Variants in FGF12 observed in about 807,000 individuals in gnomAD.
FGF12 encodes fibroblast growth factor 12.
Under a neutral mutation model 23.6 loss-of-function variants are expected in FGF12, and 14 were observed. The ratio of observed to expected loss-of-function variants is 0.59; its 90% CI spans 0.39 to 0.93. FGF12 has a LOEUF of 0.93. Ranked by LOEUF, FGF12 falls within the 40% of genes least tolerant of loss-of-function variation. The pLI is 0.00. For missense variants in FGF12, 175 were observed against 217.8 expected, an observed-to-expected ratio of 0.80 and a Z score of 1.24; for synonymous variants, 62 against 77.3, an observed-to-expected ratio of 0.80 and a Z score of 1.04.
intron 2 of FGF12, among the ~76,000 whole-genome samples, chr3:192,537,198 G>T (rs1316877538): frequency 6.6e-6 from 1 of 152,044 alleles, no homozygotes; most frequent in Admixed American, 6.5e-5. Flanking sequence ...TCATCCATTT[G>T]TCTGTTGGTG....
In FGF12 at chr3:192,695,936, T is replaced by C. The variant is rs1718107097; in HGVS notation, c.13+31245A>G. ...CAACATGGTGAAACCCCATCTCTAC[T>C]AAAAATACAAAAATTAGCCAGTCAT... is the stretch of plus-strand genomic sequence containing the variant. On this transcript the variant is annotated intron_variant, in intron 2 of 5. Transcript: ENST00000445105. Among the ~76,000 whole-genome samples the C allele has an allele frequency of 2.6e-5, 4 of 152,162 alleles. No individual in the cohort carries two copies. The South Asian group carries it at 8.3e-4, about 32-fold the overall frequency.
chr3:192,607,861 AAAAAAAG>A (rs1714400973), intron 2 of FGF12, among the ~76,000 whole-genome samples: 1 of 151,540 alleles, frequency 6.6e-6, no homozygotes, highest in South Asian at 2.1e-4. Context: ...AAAAAAAAAA[AAAAAAAG>A]AAGAAGAAGA....
In FGF12 at chr3:192,417,043, T is replaced by C. The variant is rs546864100; in HGVS notation, c.14-56505A>G. 1.1e-3 allele frequency among the ~76,000 whole-genome samples: 175 copies of C among 152,228 alleles called. 4 individuals are homozygous for C. The South Asian group carries it at 0.012, about 10-fold the overall frequency. On this transcript the variant is annotated intron_variant, in intron 2 of 5. Transcript: ENST00000445105. ...GTTAACTGCAAGGGATCTCATGAGG[T>C]CATCAGCCTACTCTAGGTAATGTAT...
chr3:192,452,811 G>A (rs1171136055), intron 2 of FGF12, among the ~76,000 whole-genome samples: 5 of 152,122 alleles, frequency 3.3e-5, no homozygotes, highest in African/African-American at 4.8e-5. Context: ...TTGTTCCCTT[G>A]CAGATGATCA....
chr3:192,439,354 C>T (rs1271000159), intron 2 of FGF12, among the ~76,000 whole-genome samples: 8 of 152,128 alleles, frequency 5.3e-5, no homozygotes, highest in Admixed American at 5.2e-4. Flanking sequence ...GCTCTTTTAC[C>T]CATCCTCAGG....
rs547285616 is a variant in FGF12, at chr3:192,378,852, C to A, written c.14-18314G>T. 2.6e-5 allele frequency among the ~76,000 whole-genome samples: 4 copies of A among 152,234 alleles called. No homozygotes were observed. The East Asian group carries it at 7.7e-4, about 29-fold the overall frequency. On this transcript the variant is annotated intron_variant, in intron 2 of 5. Coordinates refer to ENST00000445105, the MANE Select transcript of FGF12 (RefSeq NM_004113.6). Reference sequence around the variant, plus strand: ...GGGGCTGTTGTACAGATTATTTCGTCACCCAGGTACTAAGCCTAGTACCCA... The same window carrying A: ...GGGGCTGTTGTACAGATTATTTCGTAACCCAGGTACTAAGCCTAGTACCCA...
At chr3:192,222,329 G>A (rs576420909) in intron 4 of FGF12, among the ~76,000 whole-genome samples, 1 of 152,266 alleles carries the variant, frequency 6.6e-6, no homozygotes, top group South Asian at 2.1e-4. Flanking sequence ...AGGTTCTTCG[G>A]CTGTAACATG....
intron 5 of FGF12, among the ~76,000 whole-genome samples, chr3:192,159,464 G>A (rs1714740048): frequency 6.6e-6 from 1 of 152,172 alleles, no homozygotes; most frequent in African/African-American, 2.4e-5. Context: ...AAATGTTAGT[G>A]TTCCCCAGGA....
At chr3:192,258,781 A>G (rs1224325485) in intron 4 of FGF12, among the ~76,000 whole-genome samples, 2 of 152,206 alleles carry the variant, frequency 1.3e-5, no homozygotes, top group Non-Finnish European at 2.9e-5. Flanking sequence ...TTCATGTTCC[A>G]CATAAAGAGA....
intron 5 of FGF12, 33 bp from the exon 6 acceptor site, chr3:192,144,160 C>A (rs202126500): frequency 7.8e-7 from 1 of 1,275,208 alleles, no homozygotes; most frequent in African/African-American, 1.5e-5. Context: ...TTACTTATGA[C>A]AGTGGACATA....
intron 2 of FGF12, among the ~76,000 whole-genome samples, chr3:192,492,390 G>A (rs879382696): frequency 2.6e-5 from 4 of 151,884 alleles, no homozygotes; most frequent in Non-Finnish European, 4.4e-5. Context: ...ACACACACAC[G>A]CAAAGGTAGG....
chr3:192,454,461 T>C (rs1449943985), intron 2 of FGF12, among the ~76,000 whole-genome samples: 1 of 152,018 alleles, frequency 6.6e-6, no homozygotes, highest in Non-Finnish European at 1.5e-5. Flanking sequence ...ACAAATACAG[T>C]CTAGAAATGT....
intron 4 of FGF12, among the ~76,000 whole-genome samples, chr3:192,298,125 A>G (rs368178570): frequency 6.6e-6 from 1 of 152,318 alleles, no homozygotes; most frequent in South Asian, 2.1e-4. Flanking sequence ...TAAAAAGCTA[A>G]TGTTCTCTCA....
chr3:192,178,909 C>T (rs1223578747), intron 4 of FGF12, among the ~76,000 whole-genome samples: 1 of 152,196 alleles, frequency 6.6e-6, no homozygotes, highest in Non-Finnish European at 1.5e-5. Context: ...TCTTCCAACA[C>T]AATTTATATC....
intron 2 of FGF12, among the ~76,000 whole-genome samples, chr3:192,376,732 C>T (rs1719528929): frequency 6.6e-6 from 1 of 152,134 alleles, no homozygotes; most frequent in African/African-American, 2.4e-5. Context: ...GTGATTTCTG[C>T]TTCATTTAAT....
chr3:192,698,386 C>A (rs1417914445), intron 2 of FGF12, among the ~76,000 whole-genome samples: 1 of 152,130 alleles, frequency 6.6e-6, no homozygotes, highest in Non-Finnish European at 1.5e-5. Context: ...TTTATACAGG[C>A]CCTTTCCTAG....
chr3:192,421,583 C>T (rs1277273210), intron 2 of FGF12, among the ~76,000 whole-genome samples: 1 of 152,094 alleles, frequency 6.6e-6, no homozygotes, highest in Admixed American at 6.6e-5. Flanking sequence ...GAAAACCAAA[C>T]ACCACATGTT....
chr3:192,287,429 T>C (rs1174324764), intron 4 of FGF12, among the ~76,000 whole-genome samples: 3 of 152,084 alleles, frequency 2.0e-5, no homozygotes, highest in Non-Finnish European at 4.4e-5. Flanking sequence ...GTTCAGAGGT[T>C]AACAGTCCGT....
At chr3:192,238,746 A>C (rs1233770517) in intron 4 of FGF12, 1 of 152,144 alleles carries the variant, frequency 6.6e-6, no homozygotes, top group African/African-American at 2.4e-5. Context: ...GGCTGCTTCA[A>C]AGGTTCCTCA....
Sources: allele counts gnomAD v4.1 joint callset (sites outside exome capture counted in the v4.1 genomes callset), GRCh38; gene constraint gnomAD v4.1.1; transcripts MANE v1.5; gene names NCBI Gene and HGNC (gene_info 2026-07-23, HGNC 2026-07-21).